Variants in DENND1A observed in about 807,000 individuals in gnomAD.
DENND1A encodes the protein DENN domain containing 1A, also known as DENN domain-containing protein 1A.
In DENND1A, 51 loss-of-function variants were observed where a neutral mutation model predicts 113.7. That is an observed-to-expected ratio of 0.45 (90% confidence interval 0.36 to 0.57). The LOEUF (loss-of-function observed/expected upper bound fraction) is 0.57, where lower values mean the gene tolerates loss of function less well. DENND1A is among the 20% of genes least tolerant of loss of function. The pLI, the probability that DENND1A is intolerant of heterozygous loss-of-function variation, is 0.00. For missense variants in DENND1A, 1,258 were observed against 1,395.9 expected (o/e 0.90, Z 1.57); for synonymous variants, 565 against 570.8 (o/e 0.99, Z 0.14).
intron 13 of DENND1A, among the ~76,000 whole-genome samples, chr9:123,532,045 G>C (rs977173885): frequency 2.0e-5 from 3 of 152,138 alleles, no homozygotes; most frequent in Non-Finnish European, 2.9e-5. Context: ...GTGCATCTTG[G>C]CTAAGCTGGG....
rs1829321104 is a variant in DENND1A, at chr9:123,769,161, C to T, written c.182+353G>A. Among the ~76,000 whole-genome samples, 3 of 152,100 alleles carry T rather than the reference C, an allele frequency of 2.0e-5. No individual in the cohort carries two copies. The South Asian group carries it at 6.2e-4, about 32-fold the overall frequency. On this transcript the variant is annotated intron_variant, in intron 4 of 23. Transcript: ENST00000394215. ...TCTATATAATACAAAACGTTGGAAT[C>T]AAGTAATATTACTTGTTTAAGCCAA... is the stretch of plus-strand genomic sequence containing the variant.
At chr9:123,619,344 A>G (rs1158457347) in intron 10 of DENND1A, among the ~76,000 whole-genome samples, 1 of 152,236 alleles carries the variant, frequency 6.6e-6, no homozygotes, top group Non-Finnish European at 1.5e-5. Flanking sequence ...TGATATATCT[A>G]TTAGATGGAT....
At chr9:123,428,574 A>G (rs1286659320) in intron 19 of DENND1A, among the ~76,000 whole-genome samples, 1 of 152,228 alleles carries the variant, frequency 6.6e-6, no homozygotes, top group African/African-American at 2.4e-5. Flanking sequence ...AGAGAAAGAA[A>G]TAAAGGGCAT....
intron 12 of DENND1A, 84 bp from the exon 13 acceptor site, chr9:123,557,779 G>A: frequency 6.7e-7 from 1 of 1,499,066 alleles, no homozygotes; most frequent in Non-Finnish European, 9.1e-7. Context: ...ATGGAGCCCT[G>A]GAAGATCCTA....
intron 11 of DENND1A, among the ~76,000 whole-genome samples, chr9:123,590,030 T>C (rs1427812308): frequency 1.3e-5 from 2 of 152,220 alleles, no homozygotes; most frequent in African/African-American, 4.8e-5. Context: ...TTTGATAAGC[T>C]AATGTATGTA....
intron 5 of DENND1A, among the ~76,000 whole-genome samples, chr9:123,706,958 T>G (rs2066257245): frequency 6.6e-6 from 1 of 152,090 alleles, no homozygotes; most frequent in Non-Finnish European, 1.5e-5. Flanking sequence ...GCCTATCAGA[T>G]AGCCAAGAGA....
At chr9:123,820,437 C>A (rs1838267507) in intron 2 of DENND1A, among the ~76,000 whole-genome samples, 1 of 152,182 alleles carries the variant, frequency 6.6e-6, no homozygotes, top group Non-Finnish European at 1.5e-5. Context: ...GCCACATGGA[C>A]AATGAAAGGC....
intron 8 of DENND1A, among the ~76,000 whole-genome samples, chr9:123,653,304 A>G (rs1387345126): frequency 6.6e-6 from 1 of 152,230 alleles, no homozygotes; most frequent in Non-Finnish European, 1.5e-5. Context: ...ATCAAGTGCC[A>G]GCCACTGTAC....
intron 2 of DENND1A, among the ~76,000 whole-genome samples, chr9:123,868,375 C>T (rs1846075801): frequency 6.6e-6 from 1 of 152,172 alleles, no homozygotes; most frequent in South Asian, 2.1e-4. Context: ...TGCTGAGTAG[C>T]AGAGTTCCAC....
At chr9:123,417,884 T>C (rs1320225408) in intron 19 of DENND1A, among the ~76,000 whole-genome samples, 1 of 140,650 alleles carries the variant, frequency 7.1e-6, no homozygotes, top group Non-Finnish European at 1.6e-5. Flanking sequence ...CTGCCATAGA[T>C]TGGGGGGGGG....
At chr9:123,586,484 C>T (rs1342848169) in intron 11 of DENND1A, among the ~76,000 whole-genome samples, 3 of 152,176 alleles carry the variant, frequency 2.0e-5, no homozygotes, top group African/African-American at 7.2e-5. Flanking sequence ...GCCCCTTTTT[C>T]TAACTTAGCA....
chr9:123,760,098 A>C (rs2070911265), intron 4 of DENND1A, among the ~76,000 whole-genome samples: 1 of 152,216 alleles, frequency 6.6e-6, no homozygotes, highest in Admixed American at 6.5e-5. Context: ...ATTCAAAGGA[A>C]CTCATCAACT....
intron 21 of DENND1A, chr9:123,400,270 T>C (rs1336148763): frequency 6.6e-6 from 1 of 152,172 alleles, no homozygotes; most frequent in Non-Finnish European, 1.5e-5. Flanking sequence ...CACAGGAAAA[T>C]TTCATTTTGG....
chr9:123,817,398 T>C (rs1397776149), intron 2 of DENND1A, among the ~76,000 whole-genome samples: 1 of 152,228 alleles, frequency 6.6e-6, no homozygotes, highest in Admixed American at 6.5e-5. Flanking sequence ...CACTTTTATC[T>C]GAACACTTAA....
In DENND1A at chr9:123,872,343, C is replaced by T. The variant is rs543314511; in HGVS notation, c.88+6608G>A. Among the ~76,000 whole-genome samples, 14 of 151,998 alleles carry T rather than the reference C, an allele frequency of 9.2e-5. No homozygotes were observed. The South Asian group carries it at 1.5e-3, about 16-fold the overall frequency. Reference sequence around the variant, plus strand: ...AACTTTGGAAACAACCTGAAGATTCCGTTATAAGTAAATGTAGAACATAAA... The same window carrying T: ...AACTTTGGAAACAACCTGAAGATTCTGTTATAAGTAAATGTAGAACATAAA... On this transcript the variant is annotated intron_variant, in intron 2 of 23. Coordinates refer to ENST00000394215, the MANE Select transcript of DENND1A (RefSeq NM_001352964.2).
At position 123,757,635 on chromosome 9, in the gene DENND1A, C is replaced by T. The variant is rs12002677; in HGVS notation, c.302+68G>A. On this transcript the variant is annotated intron_variant, in intron 5 of 23. Transcript: ENST00000394215. ...AATGAACAGCTGGAAGATTTAATTA[C>T]GGAAGAGCAATGCAGAAGCTGACAT... 1.9e-3 allele frequency: 2,967 copies of T among 1,576,994 alleles called. 44 individuals carry two copies. The African/African-American group carries it at 0.034, about 18-fold the overall frequency.
chr9:123,769,861 T>C (rs960194692), intron 3 of DENND1A, among the ~76,000 whole-genome samples: 1 of 152,078 alleles, frequency 6.6e-6, no homozygotes, highest in African/African-American at 2.4e-5. Context: ...TTAACACCCC[T>C]CCAGGGAACA....
chr9:123,672,294 C>T (rs1364357735), intron 6 of DENND1A, among the ~76,000 whole-genome samples: 1 of 152,078 alleles, frequency 6.6e-6, no homozygotes, highest in African/African-American at 2.4e-5. Flanking sequence ...TGAGCTCTGA[C>T]AAATCAAACA....
At chr9:123,740,120 C>T (rs2068880346) in intron 5 of DENND1A, among the ~76,000 whole-genome samples, 2 of 152,136 alleles carry the variant, frequency 1.3e-5, no homozygotes, top group South Asian at 4.2e-4. Context: ...TCTTGCGCAA[C>T]ATGTTTACCT....
Sources: gnomAD v4.1 joint callset for allele counts (sites outside exome capture counted in the v4.1 genomes callset) on GRCh38, gnomAD v4.1.1 for gene constraint, MANE v1.5 for transcripts, NCBI Gene and HGNC (gene_info 2026-07-23, HGNC 2026-07-21) for gene names.